The following GABRA3 variants were observed in gnomAD, a reference collection of about 807,000 sequenced individuals.
GABRA3 encodes gamma-aminobutyric acid type A receptor subunit alpha3, also known as gamma-aminobutyric acid receptor subunit alpha-3.
In GABRA3, 10 loss-of-function variants were observed where a neutral mutation model predicts 30.1. The observed-to-expected ratio is 0.33, with a 90% confidence interval of 0.20 to 0.56. GABRA3 has a LOEUF of 0.56. Ranked by LOEUF, GABRA3 falls within the 20% of genes least tolerant of loss-of-function variation. GABRA3 has a pLI of 0.89. For synonymous variants in GABRA3, 151 were observed against 146.8 expected, an observed-to-expected ratio of 1.03 and a Z score of -0.21; for missense variants, 233 against 392.0, an observed-to-expected ratio of 0.59 and a Z score of 3.42.
chrX:152,356,320 T>C (rs1396617230), intron 2 of GABRA3, among the ~76,000 whole-genome samples: 1 of 112,206 alleles, frequency 8.9e-6, no homozygotes, highest in East Asian at 2.8e-4. Context: ...TGTTGATTGT[T>C]AAAATGGCTG....
intron 1 of GABRA3, among the ~76,000 whole-genome samples, chrX:152,450,101 A>G (rs1931184946): frequency 9.0e-6 from 1 of 111,314 alleles, no homozygotes; most frequent in Admixed American, 9.6e-5. Context: ...CTGAAGGGCT[A>G]TACTACAAGA....
chrX:152,307,124 T>C (rs1239146215), intron 3 of GABRA3, among the ~76,000 whole-genome samples: 3 of 111,414 alleles, frequency 2.7e-5, no homozygotes, highest in Admixed American at 1.9e-4. Flanking sequence ...CAACTCCTTA[T>C]TGGCTAAATT....
chrX:152,281,055 T>C (rs185428444), intron 4 of GABRA3, among the ~76,000 whole-genome samples: 1 of 111,031 alleles, frequency 9.0e-6, no homozygotes, highest in Non-Finnish European at 1.9e-5. Flanking sequence ...CCTTAGGATC[T>C]TGAGAGCTAG....
intron 1 of GABRA3, among the ~76,000 whole-genome samples, chrX:152,390,477 G>A (rs746477311): frequency 8.9e-6 from 1 of 112,710 alleles, no homozygotes; most frequent in Admixed American, 9.4e-5. Context: ...GTATGTTTGA[G>A]GAAAAATTAG....
At chrX:152,285,170 A>G (rs1455839677) in intron 3 of GABRA3, among the ~76,000 whole-genome samples, 2 of 112,048 alleles carry the variant, frequency 1.8e-5, no homozygotes, top group Admixed American at 1.9e-4. Flanking sequence ...GGAGAAAGTA[A>G]TATGTGTCTC....
intron 9 of GABRA3, among the ~76,000 whole-genome samples, chrX:152,175,871 TG>T (rs771968571): frequency 6.0e-4 from 66 of 109,973 alleles, no homozygotes; most frequent in Non-Finnish European, 1.1e-3. Flanking sequence ...GAGATCATCC[TG>T]GCTAACACGG....
At chrX:152,369,049 A>G (rs1440498843) in intron 1 of GABRA3, among the ~76,000 whole-genome samples, 1 of 111,011 alleles carries the variant, frequency 9.0e-6, no homozygotes, top group Admixed American at 9.6e-5. Context: ...GTTTTCCATA[A>G]TGGCTGTGCT....
At chrX:152,442,309 C>T (rs1227553714) in intron 1 of GABRA3, among the ~76,000 whole-genome samples, 3 of 110,263 alleles carry the variant, frequency 2.7e-5, no homozygotes, top group Non-Finnish European at 3.8e-5. Flanking sequence ...GTTGTTCACT[C>T]TGAGTAGTAT....
rs900239732 is a variant in GABRA3, at chrX:152,167,500, G to A, written c.*728C>T. 8.9e-6 allele frequency: 1 copy of A among 112,096 alleles called. No individual in the cohort carries two copies. Among genetic ancestry groups the A allele is most frequent in the Non-Finnish European group, 1.9e-5 (1 of 53,260 alleles). The allele number at this position is 112,096 out of a possible 1,213,427, so 9.2% of individuals were successfully genotyped here. The stretch of plus-strand genomic sequence containing the variant: ...CTCAGTTGGCTACAAGGGTGCCAAA[G>A]GCAGTGGGGGAAGAAGATTTTCTGG... On this transcript the variant is annotated 3_prime_UTR_variant, in exon 10 of 10. Transcript: ENST00000370314.
chrX:152,214,880 A>T (rs1173689527), intron 6 of GABRA3, among the ~76,000 whole-genome samples: 1 of 109,313 alleles, frequency 9.1e-6, no homozygotes, highest in Non-Finnish European at 1.9e-5. Flanking sequence ...CACTATTGGC[A>T]TATAGAAATG....
At chrX:152,449,779 T>A (rs1304583157) in intron 1 of GABRA3, among the ~76,000 whole-genome samples, 2 of 111,994 alleles carry the variant, frequency 1.8e-5, no homozygotes, top group African/African-American at 3.3e-5. Context: ...TGGAACCAGG[T>A]TGCCAGTTTA....
At chrX:152,352,311 C>G (rs142275589) in intron 2 of GABRA3, among the ~76,000 whole-genome samples, 222 of 111,982 alleles carry the variant, frequency 2.0e-3, no homozygotes, top group African/African-American at 7.0e-3. Context: ...CATTAGAAAA[C>G]TTTTGAAATA....
chrX:152,220,091 G>A, intron 6 of GABRA3, among the ~76,000 whole-genome samples: 1 of 111,443 alleles, frequency 9.0e-6, no homozygotes, highest in East Asian at 2.8e-4. Context: ...TTAAAAGTTA[G>A]ATATCCATGA....
intron 6 of GABRA3, 144 bp from the exon 7 acceptor site, chrX:152,208,288 C>T: frequency 1.9e-6 from 1 of 532,919 alleles, no homozygotes; most frequent in Non-Finnish European, 3.1e-6. Context: ...GAAGTCCATC[C>T]ATCCGTCCAT....
chrX:152,242,034 G>A (rs1418536064), intron 5 of GABRA3, among the ~76,000 whole-genome samples: 1 of 111,320 alleles, frequency 9.0e-6, no homozygotes, highest in African/African-American at 3.3e-5. Context: ...CCTCCTATTT[G>A]ATTTCTATAG....
intron 4 of GABRA3, among the ~76,000 whole-genome samples, chrX:152,273,610 A>C (rs774355949): frequency 5.3e-5 from 6 of 112,460 alleles, no homozygotes; most frequent in Non-Finnish European, 1.1e-4. Context: ...TTCAGCCTTA[A>C]GTATAATGAA....
chrX:152,220,337 G>A (rs1937808393), intron 6 of GABRA3, among the ~76,000 whole-genome samples: 1 of 111,755 alleles, frequency 8.9e-6, no homozygotes, highest in South Asian at 3.7e-4. Context: ...ATACACTTAT[G>A]TGTTTGGCTT....
intron 1 of GABRA3, among the ~76,000 whole-genome samples, chrX:152,383,246 G>A (rs1017565841): frequency 2.8e-5 from 3 of 107,417 alleles, no homozygotes; most frequent in South Asian, 4.2e-4. Flanking sequence ...AAAATTAGCC[G>A]GGTGTGGTGG....
chrX:152,406,226 C>A lies in GABRA3; in HGVS notation c.-26-41630G>T, dbSNP rs146433834. Among the ~76,000 whole-genome samples the A allele has an allele frequency of 7.3e-4, 81 of 110,526 alleles. No individual in the cohort carries two copies. In the East Asian group the frequency reaches 0.021, roughly 28 times the overall value. On this transcript the variant is annotated intron_variant, in intron 1 of 9. Coordinates refer to ENST00000370314, the MANE Select transcript of GABRA3 (RefSeq NM_000808.4). ...ACAAAATGGCAGTAAGAAGTTTGTACTATTAATAATAACCTTTAATGTAAA... is the reference window on the plus strand; with the variant it reads ...ACAAAATGGCAGTAAGAAGTTTGTAATATTAATAATAACCTTTAATGTAAA...
Sources: allele counts gnomAD v4.1 joint callset (sites outside exome capture counted in the v4.1 genomes callset), GRCh38; gene constraint gnomAD v4.1.1; transcripts MANE v1.5; gene names NCBI Gene and HGNC (gene_info 2026-07-23, HGNC 2026-07-21).